The following ASIC2 variants were observed in gnomAD, a reference collection of about 807,000 sequenced individuals.
ASIC2 encodes the protein acid-sensing ion channel 2.
Under a neutral mutation model 57.3 loss-of-function variants are expected in ASIC2, and 25 were observed. The observed-to-expected ratio is 0.44, with a 90% CI of 0.32 to 0.61. ASIC2 has a LOEUF of 0.61. ASIC2 is among the 20% of genes least tolerant of loss of function. The pLI, the probability that ASIC2 is intolerant of heterozygous loss-of-function variation, is 0.06. For synonymous variants in ASIC2, 319 were observed against 307.5 expected, an observed-to-expected ratio of 1.04 and a Z score of -0.39; for missense variants, 641 against 738.1, an observed-to-expected ratio of 0.87 and a Z score of 1.52.
intron 1 of ASIC2, among the ~76,000 whole-genome samples, chr17:34,024,637 G>T (rs183507783): frequency 6.6e-6 from 1 of 152,300 alleles, no homozygotes; most frequent in Admixed American, 6.5e-5. Flanking sequence ...GGTTTCCATT[G>T]CCTGTTTCCT....
intron 1 of ASIC2, among the ~76,000 whole-genome samples, chr17:33,508,130 G>A (rs1030866533): frequency 2.8e-5 from 4 of 143,024 alleles, no homozygotes; most frequent in Non-Finnish European, 4.5e-5. Flanking sequence ...TCCCCTCCCC[G>A]CTTCCTCCTC....
At chr17:33,100,884 G>A (rs1268179916) in intron 2 of ASIC2, among the ~76,000 whole-genome samples, 2 of 152,330 alleles carry the variant, frequency 1.3e-5, no homozygotes, top group East Asian at 3.9e-4. Context: ...CGTATTTTCT[G>A]CATCACACTT....
chr17:33,348,346 G>T (rs901828802), intron 1 of ASIC2, among the ~76,000 whole-genome samples: 1 of 152,156 alleles, frequency 6.6e-6, no homozygotes, highest in Non-Finnish European at 1.5e-5. Context: ...ATGTGTGTGT[G>T]TGGAGGAGAT....
intron 1 of ASIC2, among the ~76,000 whole-genome samples, chr17:34,132,854 C>T (rs16969224): frequency 0.14 from 21,757 of 152,172 alleles, 1,956 homozygotes; most frequent in African/African-American, 0.26. Flanking sequence ...CATACTTCAA[C>T]CATCCATCCT....
chr17:33,220,676 G>A (rs566499193), intron 1 of ASIC2, among the ~76,000 whole-genome samples: 1 of 152,230 alleles, frequency 6.6e-6, no homozygotes, highest in Admixed American at 6.5e-5. Context: ...GTCAATACAT[G>A]TTATTGATCT....
intron 1 of ASIC2, among the ~76,000 whole-genome samples, chr17:33,385,067 C>G (rs537404835): frequency 9.9e-5 from 15 of 152,282 alleles, no homozygotes; most frequent in Admixed American, 3.3e-4. Flanking sequence ...GGCTACTTGT[C>G]TGTAAAATGG....
intron 1 of ASIC2, among the ~76,000 whole-genome samples, chr17:33,790,594 C>G (rs1421373228): frequency 6.6e-6 from 1 of 152,098 alleles, no homozygotes; most frequent in African/African-American, 2.4e-5. Flanking sequence ...TGTTCATGAT[C>G]TTTGCTTCCT....
intron 1 of ASIC2, among the ~76,000 whole-genome samples, chr17:33,442,191 G>C (rs971498683): frequency 6.6e-6 from 1 of 152,158 alleles, no homozygotes; most frequent in Non-Finnish European, 1.5e-5. Flanking sequence ...TTTATAGTAT[G>C]TTTTGAAATT....
At chr17:33,261,021 T>C (rs888456765) in intron 1 of ASIC2, among the ~76,000 whole-genome samples, 1 of 152,220 alleles carries the variant, frequency 6.6e-6, no homozygotes, top group Non-Finnish European at 1.5e-5. Flanking sequence ...CTGCAGACCC[T>C]TGCGCTCCTG....
At chr17:33,042,758 G>A (rs999579583) in intron 3 of ASIC2, among the ~76,000 whole-genome samples, 2 of 152,130 alleles carry the variant, frequency 1.3e-5, no homozygotes, top group African/African-American at 4.8e-5. Flanking sequence ...ACCACAGCAG[G>A]GTGGAGTCCA....
chr17:33,756,080 C>T (rs1427906293), intron 1 of ASIC2, among the ~76,000 whole-genome samples: 5 of 152,350 alleles, frequency 3.3e-5, no homozygotes, highest in South Asian at 2.1e-4. Context: ...CATTGCACCC[C>T]AATACTCTAT....
upstream of ASIC2, among the ~76,000 whole-genome samples, chr17:33,298,095 C>G (rs1212971583): frequency 6.6e-6 from 1 of 150,918 alleles, no homozygotes; most frequent in African/African-American, 2.4e-5. Flanking sequence ...GGGGTGCTCT[C>G]TGATACCTTT....
intron 1 of ASIC2, among the ~76,000 whole-genome samples, chr17:33,851,757 C>T (rs956268343): frequency 6.6e-6 from 1 of 152,158 alleles, no homozygotes; most frequent in Admixed American, 6.5e-5. Context: ...CAAGATGTTG[C>T]CATATGTCAG....
intron 1 of ASIC2, among the ~76,000 whole-genome samples, chr17:34,021,831 T>A (rs1907169155): frequency 7.5e-6 from 1 of 132,750 alleles, no homozygotes; most frequent in South Asian, 2.2e-4. Flanking sequence ...TTTTGTGTTT[T>A]GTTTTGTTTT....
At chr17:33,708,862 C>G (rs1235372334) in intron 1 of ASIC2, among the ~76,000 whole-genome samples, 1 of 152,186 alleles carries the variant, frequency 6.6e-6, no homozygotes, top group East Asian at 1.9e-4. Context: ...CAAGCAGGAG[C>G]CCTGTTTCAA....
intron 1 of ASIC2, among the ~76,000 whole-genome samples, chr17:33,289,333 C>T (rs1021572568): frequency 2.2e-4 from 33 of 152,328 alleles, no homozygotes; most frequent in African/African-American, 7.5e-4. Flanking sequence ...ACCCACACAA[C>T]TCATGGCCAT....
chr17:33,822,668 A>T (rs1912782029), intron 1 of ASIC2, among the ~76,000 whole-genome samples: 1 of 152,178 alleles, frequency 6.6e-6, no homozygotes, highest in Non-Finnish European at 1.5e-5. Flanking sequence ...TCTTGTCCAT[A>T]TCAACTTTTG....
intron 1 of ASIC2, chr17:34,071,492 T>A (rs1185260963): frequency 6.6e-6 from 1 of 151,958 alleles, no homozygotes; most frequent in African/African-American, 2.4e-5. Flanking sequence ...AGGACACTTA[T>A]AAAAGAAGAG....
At chr17:33,759,047 G>A (rs1910699649) in intron 1 of ASIC2, among the ~76,000 whole-genome samples, 1 of 152,152 alleles carries the variant, frequency 6.6e-6, no homozygotes, top group African/African-American at 2.4e-5. Context: ...ATCCTAGTGA[G>A]GGCTTAAAAG....
Sources: gnomAD v4.1 joint callset for allele counts (sites outside exome capture counted in the v4.1 genomes callset) on GRCh38, gnomAD v4.1.1 for gene constraint, MANE v1.5 for transcripts, NCBI Gene and HGNC (gene_info 2026-07-23, HGNC 2026-07-21) for gene names.